IL17RC: variants seen among roughly 807,000 people sequenced by gnomAD.
IL17RC encodes interleukin 17 receptor C, also known as interleukin-17 receptor C.
In IL17RC, 53 loss-of-function variants were observed where a neutral mutation model predicts 86.7. The ratio of observed to expected loss-of-function variants is 0.61; its 90% confidence interval spans 0.49 to 0.77. The LOEUF (loss-of-function observed/expected upper bound fraction) is 0.77. IL17RC is among the 30% of genes least tolerant of loss of function. IL17RC has a pLI of 0.00. For synonymous variants in IL17RC, 439 were observed against 413.1 expected (o/e 1.06, Z -0.76); for missense variants, 957 against 940.0 (o/e 1.02, Z -0.24).
In IL17RC at chr3:9,929,271, G is replaced by A. The variant is rs534663338; in HGVS notation, c.1111-581G>A. 287 of 154,144 alleles carry A rather than the reference G, an allele frequency of 1.9e-3. 4 individuals are homozygous for A. The highest frequency in any genetic ancestry group is 0.011 in the Admixed American group (172 of 15,638). 9.5% of individuals were successfully genotyped at this position (154,144 alleles called of 1,614,324 possible). ...TGAGCTTGCAGTGAGCTGAGAGGGC[G>A]CCACTGCACTCCAGCCTGGGTGACA... is the stretch of plus-strand genomic sequence containing the variant. On this transcript the variant is annotated intron_variant, in intron 12 of 18. Transcript: ENST00000403601.
At chr3:9,922,734 A>G (rs1242983209) in intron 7 of IL17RC, among the ~76,000 whole-genome samples, 5 of 152,100 alleles carry the variant, frequency 3.3e-5, no homozygotes, top group African/African-American at 1.2e-4. Flanking sequence ...AGGGCTGGGG[A>G]AGGTTGGGAG....
In IL17RC at chr3:9,920,498, T is replaced by A; in HGVS notation, c.473T>A (p.Val158Glu). Residue 158 changes from valine (V) to glutamate (E), a missense_variant, in exon 6 of 19, where the codon GTG becomes GAG. By Grantham distance (121) the Val-to-Glu change is moderately radical. Transcript: ENST00000403601. ...LVQFGQSVGS[V>E]VYDCFEAALG... is the part of the protein sequence containing the mutation. ...TCACCCCTCTCCTCACAGGGCTCTG[T>A]GGTATATGACTGCTTCGAGGCTGCC... 6.3e-7 allele frequency: 1 copy of A among 1,594,562 alleles called. No individual in the cohort carries two copies. The highest frequency in any genetic ancestry group is 1.7e-5 in the Admixed American group (1 of 58,464).
In IL17RC at chr3:9,930,908, A is replaced by G; in HGVS notation, c.1352A>G (p.Asp451Gly). ...SGQCLQLWDD[D>G]LGALWACPMD... is the part of the protein sequence containing the mutation. ...TGTATCTTACAGCTATGGGACGATGACTTGGGAGCGCTATGGGCCTGCCCC... is the reference window on the plus strand; with the variant it reads ...TGTATCTTACAGCTATGGGACGATGGCTTGGGAGCGCTATGGGCCTGCCCC... The change falls in exon 16 of 19, where the codon GAC (aspartate) becomes GGC (glycine). Residue 451 changes from aspartate to glycine, a missense_variant. By Grantham distance (94) the Asp-to-Gly change is moderately conservative (BLOSUM62 -1). Transcript: ENST00000403601. The surrounding 1 kb of genome is among the most constrained non-coding windows in gnomAD (Gnocchi z 5.8). 6.2e-7 allele frequency: 1 copy of G among 1,614,124 alleles called. No homozygotes were observed. The highest frequency in any genetic ancestry group is 1.3e-5 in the African/African-American group (1 of 75,050).
chr3:9,930,625 C>T lies in IL17RC; in HGVS notation c.1338+166C>T, dbSNP rs900101607. On this transcript the variant is annotated intron_variant, in intron 15 of 18. Transcript: ENST00000403601. This position sits in a 1 kb window ranked among gnomAD's most constrained non-coding sequence, Gnocchi z 5.8. ...CAAGGAGCACACTGTTGGCTAGACA[C>T]CCATAAACAGATAACCACACCTACA... 1 of 730,914 alleles carries T rather than the reference C, an allele frequency of 1.4e-6. No individual in the cohort carries two copies. The highest frequency in any genetic ancestry group is 1.8e-5 in the South Asian group (1 of 55,106). 45.3% of individuals were successfully genotyped at this position (730,914 alleles called of 1,614,324 possible).
rs752726522 is a variant in IL17RC, at chr3:9,928,468, G to A, written c.1041G>A (p.Trp347Ter). The change falls in exon 11 of 19, where the codon TGG becomes TGA. Residue 347 changes from tryptophan (W) to a stop codon, truncating the protein, a stop_gained. Transcript: ENST00000403601. LOFTEE classifies it high-confidence loss of function. The part of the protein sequence containing the change: ...PCQPLVPPLS[W>*]ENVTVDKVLE... ...AGCCACTGGTCCCACCGCTTTCCTG[G>A]GAGAACGTCACTGTGGACGTAAGTG... The A allele has an allele frequency of 3.7e-6, 6 of 1,610,912 alleles. No individual in the cohort carries two copies. The Admixed American group carries it at 1.0e-4, about 27-fold the overall frequency.
intron 1 of IL17RC, 77 bp downstream of exon 1, chr3:9,917,497 C>T: frequency 6.2e-7 from 1 of 1,614,202 alleles, no homozygotes; most frequent in South Asian, 1.1e-5. Flanking sequence ...AGCCTGGCTC[C>T]TGTCACTGCT....
At position 9,917,372 on chromosome 3, in the gene IL17RC, T is replaced by C. The variant is rs1053229723; in HGVS notation, c.57T>C (p.Leu19=). The part of the protein sequence containing the change: ...SLALGRSPVV[L]SLERLVGPQD... Reference sequence around the variant, plus strand: ...CACTGGGCCGAAGCCCAGTGGTCCTTTCTCTGGAGAGGCTTGTGGGGCCTC... The same window carrying C: ...CACTGGGCCGAAGCCCAGTGGTCCTCTCTCTGGAGAGGCTTGTGGGGCCTC... Residue 19 remains leucine, a synonymous_variant, in exon 1 of 19, where the codon CTT becomes CTC. Transcript: ENST00000403601. The C allele has an allele frequency of 1.4e-5, 22 of 1,614,012 alleles. No individual in the cohort carries two copies. In the Admixed American group the frequency reaches 2.5e-4, roughly 18 times the overall value.
At chr3:9,922,412 C>T (rs935588519) in intron 7 of IL17RC, among the ~76,000 whole-genome samples, 2 of 152,180 alleles carry the variant, frequency 1.3e-5, no homozygotes, top group Non-Finnish European at 2.9e-5. Context: ...GCCTCTTTGG[C>T]AACTCATTAA....
At chr3:9,919,191 G>A (rs2083343631) in intron 5 of IL17RC, 1 of 152,218 alleles carries the variant, frequency 6.6e-6, no homozygotes, top group Non-Finnish European at 1.5e-5. Context: ...TTCTGCATAT[G>A]TAGTGGTTTG....
At chr3:9,917,605 G>A (rs752623690) in intron 1 of IL17RC, 108 bp from the exon 2 acceptor site, 2 of 1,613,980 alleles carry the variant, frequency 1.2e-6, no homozygotes, top group Non-Finnish European at 1.7e-6. Flanking sequence ...TCTCTGGGAG[G>A]GTCTGGGAAT....
chr3:9,922,389 T>C (rs1234053073), intron 7 of IL17RC, among the ~76,000 whole-genome samples: 1 of 152,232 alleles, frequency 6.6e-6, no homozygotes, highest in East Asian at 1.9e-4. Flanking sequence ...CTTCTTAAAA[T>C]TAAAGTTGGC....
At chr3:9,921,052 G>A in intron 7 of IL17RC, 83 bp downstream of exon 7, 1 of 776,344 alleles carries the variant, frequency 1.3e-6, no homozygotes, top group Non-Finnish European at 2.1e-6. Flanking sequence ...CTTCAGATAT[G>A]GGCTACCACA....
intron 9 of IL17RC, among the ~76,000 whole-genome samples, chr3:9,927,092 C>G (rs1182629840): frequency 6.6e-6 from 1 of 152,174 alleles, no homozygotes; most frequent in Non-Finnish European, 1.5e-5. Context: ...GTGTTCCTAA[C>G]TAAAGGCTTG....
intron 9 of IL17RC, among the ~76,000 whole-genome samples, chr3:9,927,444 G>A (rs1322870616): frequency 6.6e-6 from 1 of 152,132 alleles, no homozygotes; most frequent in Non-Finnish European, 1.5e-5. Flanking sequence ...TGTAGTCCCT[G>A]CTACTTGGGA....
In IL17RC at chr3:9,918,043, G is replaced by C. The variant is rs764701613; in HGVS notation, c.248G>C (p.Cys83Ser). 6.3e-7 allele frequency: 1 copy of C among 1,597,458 alleles called. No individual in the cohort carries two copies. The change falls in exon 3 of 19, where the codon TGT (cysteine) becomes TCT (serine). Residue 83 changes from cysteine to serine, a missense_variant. Cys to Ser is a moderately radical substitution (Grantham distance 112). Transcript: ENST00000403601. ...CAGAAGGAGACCGACTGTGACCTCT[G>C]TCTGCGTGTGGCTGTCCACTTGGCC... Reference protein sequence around the residue: ...RCQKETDCDLCLRVAVHLAVH... With the variant: ...RCQKETDCDLSLRVAVHLAVH...
intron 12 of IL17RC, chr3:9,929,608 G>T: frequency 1.8e-6 from 1 of 562,894 alleles, no homozygotes; most frequent in South Asian, 2.1e-5. Context: ...GGGGAACCAT[G>T]CTCCGTAAGA....
At chr3:9,932,930 TC>T (rs2084912621) in intron 18 of IL17RC, 22 bp from the exon 19 acceptor site, 5 of 1,609,386 alleles carry the variant, frequency 3.1e-6, no homozygotes, top group Middle Eastern at 1.7e-4. Flanking sequence ...ACCTCTTCCC[TC>T]CCCATCTGTT....
rs368816725 is a variant in IL17RC, at chr3:9,917,394, C to A, written c.79C>A (p.Pro27Thr). ...CCTTTCTCTGGAGAGGCTTGTGGGG[C>A]CTCAGGACGCTACCCACTGCTCTCC... ...VVLSLERLVG[P>T]QDATHCSPGL... The change falls in exon 1 of 19, where the codon CCT (proline) becomes ACT (threonine). Residue 27 changes from proline (P) to threonine (T), a missense_variant. By Grantham distance (38) the Pro-to-Thr change is conservative (BLOSUM62 -1). Coordinates refer to ENST00000403601, the MANE Select transcript of IL17RC (RefSeq NM_153460.4). 6.2e-7 allele frequency: 1 copy of A among 1,613,930 alleles called. No homozygotes were observed. Among genetic ancestry groups the A allele is most frequent in the African/African-American group, 1.3e-5 (1 of 74,922 alleles).
At position 9,930,470 on chromosome 3, in the gene IL17RC, G is replaced by A; in HGVS notation, c.1338+11G>A. On this transcript the variant is annotated intron_variant, in intron 15 of 18. Coordinates refer to ENST00000403601, the MANE Select transcript of IL17RC (RefSeq NM_153460.4). This position sits in a 1 kb window ranked among gnomAD's most constrained non-coding sequence, Gnocchi z 5.8. ...GGCCAGTGTCTGCAGGTGAGCTGGT[G>A]GAAGAAGGGCCCCACCTCAATGCCT... The A allele has an allele frequency of 1.2e-6, 2 of 1,613,750 alleles. No homozygotes were observed. The highest frequency in any genetic ancestry group is 1.7e-6 in the Non-Finnish European group (2 of 1,179,780).
Sources: gnomAD v4.1 joint callset for allele counts (sites outside exome capture counted in the v4.1 genomes callset) on GRCh38, gnomAD v4.1.1 for gene constraint, Gnocchi (gnomAD v3.1) non-coding constraint, MANE v1.5 for transcripts, NCBI Gene and HGNC (gene_info 2026-07-23, HGNC 2026-07-21) for gene names.